The following GLOD4 variants were observed in gnomAD, a reference collection of about 807,000 sequenced individuals.
GLOD4 encodes the protein glyoxalase domain-containing protein 4.
In GLOD4, 44 loss-of-function variants were observed where a neutral mutation model predicts 39.1. The ratio of observed to expected loss-of-function variants is 1.13; its 90% CI spans 0.88 to 1.45. The LOEUF (loss-of-function observed/expected upper bound fraction) is 1.45, where lower values mean the gene tolerates loss of function less well. GLOD4 is among the 40% of genes most tolerant of loss of function. The probability of loss-of-function intolerance (pLI) is 0.00; values close to 1 mark genes in which losing one functional copy is unlikely to be tolerated. For synonymous variants in GLOD4, 145 were observed against 135.0 expected (o/e 1.07, Z -0.52); for missense variants, 405 against 366.4 (o/e 1.11, Z -0.86).
rs60792010 is a variant in GLOD4, at chr17:773,519, T to TGTGTG, written c.407-2059_407-2058insCACAC. On this transcript the variant is annotated intron_variant, in intron 4 of 8. Coordinates refer to ENST00000301329, the MANE Select transcript of GLOD4 (RefSeq NM_016080.4). ...CTCTCTGGGTACATGGGTGTGTGTG[T>TGTGTG]TTTTTTTCAGCTTCTCTGCTTGTCT... is the stretch of plus-strand genomic sequence containing the variant. Among the ~76,000 whole-genome samples, 274 of 151,924 alleles carry TGTGTG rather than the reference T, an allele frequency of 1.8e-3. 3 individuals carry two copies. Among genetic ancestry groups the TGTGTG allele is most frequent in the African/African-American group, 6.2e-3 (257 of 41,396 alleles).
Position 767,976 on chromosome 17 carries a change from G to C in GLOD4, c.831+1893C>G, listed in dbSNP as rs145595319. On this transcript the variant is annotated intron_variant, in intron 8 of 8. Transcript: ENST00000301329. The stretch of plus-strand genomic sequence containing the variant: ...GAAACAGCGCGCACTCAGATTTTTA[G>C]AAGAAATCTGGAGAGGACGTGAGAG... Among the ~76,000 whole-genome samples, 1,139 of 144,002 alleles carry C rather than the reference G, an allele frequency of 7.9e-3. 4 individuals are homozygous for C. The highest frequency in any genetic ancestry group is 0.027 in the East Asian group (124 of 4,524). 94.5% of individuals were successfully genotyped at this position (144,002 alleles called of 152,430 possible).
At chr17:782,844 G>A (rs928786332), upstream of GLOD4, 5 of 972,906 alleles carry the variant, frequency 5.1e-6, no homozygotes, top group Non-Finnish European at 7.4e-6. Context: ...TTTGGAATTA[G>A]CTTCTGTTTC....
chr17:772,187 G>GAAAAAAAAAAAAAAAAAAAAAA (rs58914913), intron 4 of GLOD4, among the ~76,000 whole-genome samples: 1 of 50,856 alleles, frequency 2.0e-5, no homozygotes, highest in East Asian at 5.4e-4. Flanking sequence ...ACCCTATCTC[G>GAAAAAAAAAAAAAAAAAAAAAA]AAAAAAAAAA....
At chr17:782,590 G>C (rs746289852), upstream of GLOD4, 24 of 1,613,962 alleles carry the variant, frequency 1.5e-5, no homozygotes, top group Non-Finnish European at 2.0e-5. Context: ...CAGGAGCAAC[G>C]AGAGAAACAA....
chr17:765,780 C>G (rs144872669), intron 8 of GLOD4, among the ~76,000 whole-genome samples: 1 of 151,832 alleles, frequency 6.6e-6, no homozygotes, highest in Non-Finnish European at 1.5e-5. Context: ...GAAACCCCAT[C>G]TCTACTAAAA....
intron 8 of GLOD4, among the ~76,000 whole-genome samples, chr17:766,940 G>A (rs1308001123): frequency 3.3e-5 from 5 of 152,190 alleles, no homozygotes; most frequent in African/African-American, 1.2e-4. Context: ...AATTAAGAGC[G>A]AGGAGGAAGA....
At chr17:782,969 T>G, upstream of GLOD4, 8 of 1,437,278 alleles carry the variant, frequency 5.6e-6, no homozygotes, top group South Asian at 1.4e-5. Context: ...ATTACAGGCG[T>G]GAGCCACCGC....
intron 4 of GLOD4, among the ~76,000 whole-genome samples, chr17:775,364 G>A (rs530513967): frequency 1.3e-5 from 2 of 152,282 alleles, no homozygotes; most frequent in African/African-American, 4.8e-5. Flanking sequence ...CAACCTTGAG[G>A]GGACTAGTTC....
At chr17:781,892 A>C in intron 1 of GLOD4, 1 of 456,624 alleles carries the variant, frequency 2.2e-6, no homozygotes. Flanking sequence ...TAAGCTCCAC[A>C]AGGGCGGGGC....
rs1567786925 is a variant in GLOD4 at position 760,389 on chromosome 17, T to C, written c.832-151A>G. 4 of 591,000 alleles carry C rather than the reference T, an allele frequency of 6.8e-6. No individual in the cohort carries two copies. The African/African-American group carries it at 7.5e-5, about 11-fold the overall frequency. 36.6% of individuals were successfully genotyped at this position (591,000 alleles called of 1,614,324 possible). ...CGCTCCAAAAAAAAGAGAAGAGAAA[T>C]AAAAAAAATTTTTTAACATTTAAAG... On this transcript the variant is annotated intron_variant, in intron 8 of 8. Transcript: ENST00000301329.
intron 1 of GLOD4, among the ~76,000 whole-genome samples, chr17:779,746 T>C (rs1268441013): frequency 1.3e-5 from 2 of 152,324 alleles, no homozygotes; most frequent in African/African-American, 2.4e-5. Flanking sequence ...GGAATGGATG[T>C]TATGAAAGCA....
At chr17:768,423 G>A (rs1907163627) in intron 8 of GLOD4, among the ~76,000 whole-genome samples, 5 of 149,148 alleles carry the variant, frequency 3.4e-5, no homozygotes, top group Admixed American at 3.3e-4. Context: ...CAGATTTTTA[G>A]AAGAAATCTG....
chr17:763,680 T>C lies in GLOD4; in HGVS notation c.832-3442A>G, dbSNP rs1043944777. ...GCAGCCCGGGAACATAGATTCAGGTTTCCCAGAATCTACACTCCCAAGTAG... is the reference window on the plus strand; with the variant it reads ...GCAGCCCGGGAACATAGATTCAGGTCTCCCAGAATCTACACTCCCAAGTAG... On this transcript the variant is annotated intron_variant, in intron 8 of 8. Transcript: ENST00000301329. 2.8e-4 allele frequency: 42 copies of C among 151,488 alleles called. 1 individual carries two copies. The highest frequency in any genetic ancestry group is 9.0e-4 in the African/African-American group (37 of 41,166). The allele number at this position is 151,488 out of a possible 1,614,324, so 9.4% of individuals were successfully genotyped here. A position where few individuals can be genotyped will look rare whatever the true frequency, so the allele number is the denominator to read the frequency against.
intron 8 of GLOD4, among the ~76,000 whole-genome samples, chr17:761,334 T>C (rs1905391702): frequency 6.6e-6 from 1 of 151,186 alleles, no homozygotes; most frequent in African/African-American, 2.5e-5. Context: ...GACCGTTTCA[T>C]TTCTAAAAAA....
chr17:776,659 C>G (rs1023725713), intron 3 of GLOD4, among the ~76,000 whole-genome samples: 1 of 152,240 alleles, frequency 6.6e-6, no homozygotes, highest in South Asian at 2.1e-4. Context: ...TCCTCGAACA[C>G]GCCAGATGTT....
chr17:767,777 T>C (rs1251218414), intron 8 of GLOD4, among the ~76,000 whole-genome samples: 187 of 90,758 alleles, frequency 2.1e-3, no homozygotes, highest in African/African-American at 4.1e-3. Context: ...CTGGAGAGGA[T>C]GTGAGAGAGA....
At chr17:765,665 C>T (rs549298388) in intron 8 of GLOD4, among the ~76,000 whole-genome samples, 10 of 150,650 alleles carry the variant, frequency 6.6e-5, no homozygotes, top group East Asian at 2.1e-4. Flanking sequence ...AGGATGGTCT[C>T]GATCTCCTGA....
At chr17:782,335 C>T (rs975740029), upstream of GLOD4, 2 of 1,611,950 alleles carry the variant, frequency 1.2e-6, no homozygotes, top group Non-Finnish European at 1.7e-6. Context: ...CGTCACTAGC[C>T]GCCGACGGCG....
chr17:783,828 G>A (rs908607420), upstream of GLOD4, among the ~76,000 whole-genome samples: 1 of 152,116 alleles, frequency 6.6e-6, no homozygotes, highest in African/African-American at 2.4e-5. Flanking sequence ...GCTCTTTATG[G>A]TCTCTAGGAA....
Sources: gnomAD v4.1 joint callset for allele counts (sites outside exome capture counted in the v4.1 genomes callset) on GRCh38, gnomAD v4.1.1 for gene constraint, MANE v1.5 for transcripts, NCBI Gene and HGNC (gene_info 2026-07-23, HGNC 2026-07-21) for gene names.